The following FUT8 variants were observed in gnomAD, a reference collection of about 807,000 sequenced individuals.
FUT8 encodes alpha-(1,6)-fucosyltransferase.
In FUT8, 29 loss-of-function variants were observed where a neutral mutation model predicts 71.3. The ratio of observed to expected loss-of-function variants is 0.41; its 90% CI spans 0.30 to 0.55. The LOEUF is 0.55. Ranked by LOEUF, FUT8 falls within the 20% of genes least tolerant of loss-of-function variation. The pLI is 0.34. For missense variants in FUT8, 544 were observed against 702.1 expected, an observed-to-expected ratio of 0.77 and a Z score of 2.55; for synonymous variants, 254 against 239.3, an observed-to-expected ratio of 1.06 and a Z score of -0.57.
intron 6 of FUT8, among the ~76,000 whole-genome samples, chr14:65,661,232 C>T (rs557490712): frequency 1.3e-5 from 2 of 152,180 alleles, no homozygotes; most frequent in South Asian, 2.1e-4. Flanking sequence ...TGTTTTGAGC[C>T]TGGACTTCTT....
At chr14:65,527,268 A>G (rs756603539) in intron 2 of FUT8, among the ~76,000 whole-genome samples, 1 of 150,884 alleles carries the variant, frequency 6.6e-6, no homozygotes, top group Non-Finnish European at 1.5e-5. Flanking sequence ...GTTTCTTTTT[A>G]CTCTTTTTTT....
At chr14:65,676,552 A>G (rs994966039) in intron 7 of FUT8, among the ~76,000 whole-genome samples, 1 of 152,218 alleles carries the variant, frequency 6.6e-6, no homozygotes, top group Non-Finnish European at 1.5e-5. Flanking sequence ...AAAGTAAATA[A>G]TCTTTTTTCT....
intron 7 of FUT8, among the ~76,000 whole-genome samples, chr14:65,677,149 TGTGCGCGC>T (rs1892772175): frequency 1.2e-5 from 1 of 84,530 alleles, no homozygotes; most frequent in African/African-American, 3.8e-5. Flanking sequence ...TGTGTGTGTG[TGTGCGCGC>T]GCGCATGCGC....
chr14:65,527,569 A>T (rs1215718592), intron 2 of FUT8, among the ~76,000 whole-genome samples: 1 of 152,150 alleles, frequency 6.6e-6, no homozygotes, highest in African/African-American at 2.4e-5. Flanking sequence ...AACTCATCAA[A>T]GTCATTCTCC....
intron 1 of FUT8, among the ~76,000 whole-genome samples, chr14:65,434,109 A>G (rs978000905): frequency 2.0e-5 from 3 of 152,230 alleles, no homozygotes; most frequent in African/African-American, 2.4e-5. Context: ...AGAGAAGCCA[A>G]ATATTTTGTG....
At chr14:65,528,060 C>A (rs928814290) in intron 2 of FUT8, among the ~76,000 whole-genome samples, 3 of 152,232 alleles carry the variant, frequency 2.0e-5, no homozygotes, top group Non-Finnish European at 2.9e-5. Context: ...GGGAGAACCA[C>A]TACTCTCTTC....
chr14:65,369,142 A>G, the FUT8 span, among the ~76,000 whole-genome samples: 1 of 152,226 alleles, frequency 6.6e-6, no homozygotes, highest in Non-Finnish European at 1.5e-5. This position sits in a 1 kb window ranked among gnomAD's most constrained non-coding sequence, Gnocchi z 4.6. Context: ...TAAGTGCCTA[A>G]TAACCACATG....
At chr14:65,587,255 C>T (rs528748375) in intron 3 of FUT8, among the ~76,000 whole-genome samples, 112 of 150,430 alleles carry the variant, frequency 7.4e-4, no homozygotes, top group African/African-American at 2.4e-3. Context: ...TTTAGGAAAA[C>T]GTTATTCACT....
Position 65,463,540 on chromosome 14 carries a change from T to G in FUT8, c.-228+7822T>G, listed in dbSNP as rs549686812. Among the ~76,000 whole-genome samples, 4 of 152,348 alleles carry G rather than the reference T, an allele frequency of 2.6e-5. No individual in the cohort carries two copies. The East Asian group carries it at 7.7e-4, about 29-fold the overall frequency. The stretch of plus-strand genomic sequence containing the variant: ...CCTCAGCCTCCCAAAGTGCTGGGAT[T>G]ACAGGAGTCAGCCACCGTGCCTGGC... On this transcript the variant is annotated intron_variant, in intron 2 of 10. Transcript: ENST00000673929.
chr14:65,535,034 A>G (rs1163098169), intron 2 of FUT8, among the ~76,000 whole-genome samples: 2 of 150,892 alleles, frequency 1.3e-5, no homozygotes, highest in African/African-American at 4.8e-5. Context: ...GATCTAATAT[A>G]TATGTATATA....
intron 2 of FUT8, among the ~76,000 whole-genome samples, chr14:65,524,382 A>G (rs181789417): frequency 3.9e-5 from 6 of 152,104 alleles, no homozygotes; most frequent in Admixed American, 2.6e-4. Context: ...TTTGTCTGTT[A>G]TTGGTGTGTA....
At chr14:65,650,298 CAAAAAAAAAAAAA>C (rs869168766) in intron 6 of FUT8, among the ~76,000 whole-genome samples, 22 of 39,696 alleles carry the variant, frequency 5.5e-4, no homozygotes, top group Admixed American at 4.5e-3. Context: ...GACTCTGTCT[CAAAAAAAAAAAAA>C]AAAAAAAAAA....
chr14:65,394,110 C>T, the FUT8 span, among the ~76,000 whole-genome samples: 1 of 152,196 alleles, frequency 6.6e-6, no homozygotes, highest in African/African-American at 2.4e-5. Context: ...GCATGCACCA[C>T]CATGCCTGGC....
chr14:65,646,720 A>T (rs1300000691), intron 6 of FUT8: 1 of 151,196 alleles, frequency 6.6e-6, no homozygotes, highest in African/African-American at 2.4e-5. Flanking sequence ...CTCTTCCTCT[A>T]TCCCTCCCCT....
At chr14:65,632,930 C>A (rs1395354578) in intron 6 of FUT8, among the ~76,000 whole-genome samples, 1 of 151,804 alleles carries the variant, frequency 6.6e-6, no homozygotes, top group Non-Finnish European at 1.5e-5. Context: ...CATTCTCCTA[C>A]ATGTGGCTAG....
intron 2 of FUT8, among the ~76,000 whole-genome samples, chr14:65,474,578 ACT>A (rs1333776293): frequency 3.3e-5 from 5 of 151,798 alleles, no homozygotes; most frequent in Non-Finnish European, 7.4e-5. Context: ...TAAGAGCAAA[ACT>A]CTGTCTCAAA....
At chr14:65,468,362 A>G (rs2066079701) in intron 2 of FUT8, 2 of 548,408 alleles carry the variant, frequency 3.6e-6, no homozygotes, top group Admixed American at 2.2e-5. Flanking sequence ...AATTACTGGA[A>G]GATGGTGGTT....
At chr14:65,365,046 A>C in the FUT8 span, among the ~76,000 whole-genome samples, 2 of 151,290 alleles carry the variant, frequency 1.3e-5, no homozygotes, top group African/African-American at 4.9e-5. Flanking sequence ...ATTCTCCCTC[A>C]CTCTATTCTA....
intron 1 of FUT8, among the ~76,000 whole-genome samples, chr14:65,439,285 G>C (rs143337741): frequency 6.6e-6 from 1 of 152,168 alleles, no homozygotes; most frequent in Non-Finnish European, 1.5e-5. Flanking sequence ...TACTTTTGAG[G>C]CTATAAGGAT....
Sources: gnomAD v4.1 joint callset for allele counts (sites outside exome capture counted in the v4.1 genomes callset) on GRCh38, gnomAD v4.1.1 for gene constraint, Gnocchi (gnomAD v3.1) non-coding constraint, MANE v1.5 for transcripts, NCBI Gene and HGNC (gene_info 2026-07-23, HGNC 2026-07-21) for gene names.